LYPLA1: variants seen among roughly 807,000 people sequenced by gnomAD.
The protein encoded by LYPLA1 is acyl-protein thioesterase 1.
LYPLA1 carries 17 observed loss-of-function variants against 34.0 expected under a neutral mutation model. The observed-to-expected ratio is 0.50, with a 90% confidence interval of 0.34 to 0.75. The LOEUF is 0.75. Among genes scored for constraint, LYPLA1 ranks in the 30% least tolerant of loss-of-function variants. The pLI is 0.01. For missense variants in LYPLA1, 203 were observed against 288.8 expected, an observed-to-expected ratio of 0.70 and a Z score of 2.15; for synonymous variants, 98 against 100.8, an observed-to-expected ratio of 0.97 and a Z score of 0.17.
chr8:54,098,145 C>T (rs778517108), intron 2 of LYPLA1, among the ~76,000 whole-genome samples: 1 of 152,038 alleles, frequency 6.6e-6, no homozygotes, highest in African/African-American at 2.4e-5. Flanking sequence ...GTTGCTTGAA[C>T]CTGGAGAGTG....
At chr8:54,101,669 G>T in intron 1 of LYPLA1, 86 bp downstream of exon 1, 1 of 1,178,322 alleles carries the variant, frequency 8.5e-7, no homozygotes, top group Non-Finnish European at 1.1e-6. Context: ...AGGCCGCCAC[G>T]CGCCCGCAAC....
At chr8:54,063,427 G>T in intron 3 of LYPLA1, 52 bp from the exon 4 acceptor site, 1 of 1,132,002 alleles carries the variant, frequency 8.8e-7, no homozygotes, top group Non-Finnish European at 1.3e-6. Context: ...CATAAAAACT[G>T]ATAAATTCCA....
rs148279665 is a variant in LYPLA1, at chr8:54,101,423, G to A, written c.69+332C>T. ...CGAGGTGACAATAAGGCGATTTCCTGGCGGACTTAGGTTTCCCTCACCCAC... is the reference window on the plus strand; with the variant it reads ...CGAGGTGACAATAAGGCGATTTCCTAGCGGACTTAGGTTTCCCTCACCCAC... On this transcript the variant is annotated intron_variant, in intron 1 of 8. Coordinates refer to ENST00000316963, the MANE Select transcript of LYPLA1 (RefSeq NM_006330.4). 4.5e-4 allele frequency: 481 copies of A among 1,073,506 alleles called. 1 individual carries two copies. The African/African-American group carries it at 7.3e-3, about 16-fold the overall frequency. 66.5% of individuals were successfully genotyped at this position (1,073,506 alleles called of 1,614,324 possible). A position where few individuals can be genotyped will look rare whatever the true frequency, so the allele number is the denominator to read the frequency against.
At chr8:54,082,262 T>C (rs1356559954) in intron 2 of LYPLA1, among the ~76,000 whole-genome samples, 2 of 152,192 alleles carry the variant, frequency 1.3e-5, no homozygotes, top group Non-Finnish European at 2.9e-5. Context: ...GCAGGAGCAG[T>C]AAGACAGAGG....
chr8:54,095,686 A>G lies in LYPLA1; in HGVS notation c.101+5222T>C, dbSNP rs116642492. On this transcript the variant is annotated intron_variant, in intron 2 of 8. Transcript: ENST00000316963. The stretch of plus-strand genomic sequence containing the variant: ...CCTATAGTGTTACTGTCAAAAAGGT[A>G]TAAATCACAAAACATCAGATAAACC... 4.0e-3 allele frequency among the ~76,000 whole-genome samples: 615 copies of G among 152,266 alleles called. 3 individuals are homozygous for G. The highest frequency in any genetic ancestry group is 0.014 in the African/African-American group (586 of 41,550).
chr8:54,050,259 C>G (rs1053969040), intron 8 of LYPLA1, among the ~76,000 whole-genome samples: 4 of 152,152 alleles, frequency 2.6e-5, no homozygotes, highest in Non-Finnish European at 5.9e-5. Flanking sequence ...CTTGCACCTA[C>G]TTTTTATGAT....
intron 5 of LYPLA1, among the ~76,000 whole-genome samples, chr8:54,057,404 G>A (rs1484938826): frequency 6.6e-6 from 1 of 152,146 alleles, no homozygotes; most frequent in Non-Finnish European, 1.5e-5. Flanking sequence ...AGATTTGGAA[G>A]TAACCTATGT....
chr8:54,072,710 G>T (rs1049744768), intron 2 of LYPLA1, among the ~76,000 whole-genome samples: 35 of 152,166 alleles, frequency 2.3e-4, no homozygotes, highest in African/African-American at 8.4e-4. Flanking sequence ...GCGTGGTCGT[G>T]GCTCATGCCT....
chr8:54,074,512 A>G (rs986700119), intron 2 of LYPLA1, among the ~76,000 whole-genome samples: 18 of 152,242 alleles, frequency 1.2e-4, no homozygotes, highest in Admixed American at 1.2e-3. Flanking sequence ...CATCACCCAC[A>G]TTAGGGCTCA....
At chr8:54,091,514 G>A (rs1011935533) in intron 2 of LYPLA1, among the ~76,000 whole-genome samples, 6 of 127,942 alleles carry the variant, frequency 4.7e-5, no homozygotes, top group African/African-American at 1.7e-4. Flanking sequence ...AAAAGGAAAG[G>A]AAAGAAAAAG....
At chr8:54,084,131 A>AAAAT (rs1431271597) in intron 2 of LYPLA1, among the ~76,000 whole-genome samples, 4 of 117,360 alleles carry the variant, frequency 3.4e-5, no homozygotes, top group Non-Finnish European at 6.4e-5. Flanking sequence ...AAAGAAAAAA[A>AAAAT]AAATAAATAA....
Position 54,080,985 on chromosome 8 carries a change from T to A in LYPLA1, c.102-15172A>T, listed in dbSNP as rs767246395. ...AAAGAACTCTATACCACTGGCTTTT[T>A]GAGTACTTACAATCTTTTGTATGTA... On this transcript the variant is annotated intron_variant, in intron 2 of 8. Transcript: ENST00000316963. Among the ~76,000 whole-genome samples, 129 of 152,248 alleles carry A rather than the reference T, an allele frequency of 8.5e-4. 3 individuals carry two copies. Among genetic ancestry groups the A allele is most frequent in the Admixed American group, 2.0e-4 (3 of 15,288 alleles).
intron 2 of LYPLA1, among the ~76,000 whole-genome samples, chr8:54,089,495 G>C (rs1168161178): frequency 1.4e-5 from 2 of 146,060 alleles, no homozygotes; most frequent in Admixed American, 1.3e-4. Flanking sequence ...ACATCCCTGG[G>C]GGGGGGCGGG....
Position 54,077,524 on chromosome 8 carries a change from G to T in LYPLA1, c.102-11711C>A, listed in dbSNP as rs555278851. Among the ~76,000 whole-genome samples, 3 of 152,262 alleles carry T rather than the reference G, an allele frequency of 2.0e-5. No homozygotes were observed. In the South Asian group the frequency reaches 6.2e-4, roughly 32 times the overall value. On this transcript the variant is annotated intron_variant, in intron 2 of 8. Transcript: ENST00000316963. The stretch of plus-strand genomic sequence containing the variant: ...AAAAATAAAAAAGTAGTCTGGGCAC[G>T]GTGGCTCACGCCTGTAATCCCAGCA...
rs547737338 is a variant in LYPLA1, at chr8:54,096,742, C to CA, written c.101+4165dup. Among the ~76,000 whole-genome samples, 257 of 106,350 alleles carry CA rather than the reference C, an allele frequency of 2.4e-3. 1 individual carries two copies. The highest frequency in any genetic ancestry group is 4.7e-3 in the East Asian group (17 of 3,634). 69.8% of individuals were successfully genotyped at this position (106,350 alleles called of 152,430 possible). A position where few individuals can be genotyped will look rare whatever the true frequency, so the allele number is the denominator to read the frequency against. ...TGGACGACAGGGCGAGACAAGGTCT[C>CA]AAAAAAAAAAAAAAAAATTAGCCGG... On this transcript the variant is annotated intron_variant, in intron 2 of 8. Transcript: ENST00000316963.
chr8:54,050,072 T>C (rs1012704540), intron 8 of LYPLA1, among the ~76,000 whole-genome samples: 1 of 152,208 alleles, frequency 6.6e-6, no homozygotes, highest in Non-Finnish European at 1.5e-5. Context: ...TTTCTTATAA[T>C]GCTTTCTCAA....
chr8:54,076,885 G>C (rs189180462), intron 2 of LYPLA1, among the ~76,000 whole-genome samples: 4 of 152,034 alleles, frequency 2.6e-5, no homozygotes, highest in Admixed American at 6.6e-5. Flanking sequence ...ATCTCTGTTC[G>C]GGGCTCTCAG....
intron 2 of LYPLA1, among the ~76,000 whole-genome samples, chr8:54,072,430 A>T (rs1212530168): frequency 2.6e-5 from 4 of 152,242 alleles, no homozygotes; most frequent in Non-Finnish European, 5.9e-5. Flanking sequence ...AAAAGAAACT[A>T]TCAACAGAGT....
downstream of LYPLA1, chr8:54,045,071 TC>T (rs1484774418): frequency 6.6e-6 from 1 of 152,230 alleles, no homozygotes; most frequent in African/African-American, 2.4e-5. Flanking sequence ...GAATCCTGGC[TC>T]TTGCACATTA....
Sources: gnomAD v4.1 joint callset for allele counts (sites outside exome capture counted in the v4.1 genomes callset) on GRCh38, gnomAD v4.1.1 for gene constraint, MANE v1.5 for transcripts, NCBI Gene and HGNC (gene_info 2026-07-23, HGNC 2026-07-21) for gene names.